Variants in SNX29 observed in about 807,000 individuals in gnomAD.
The protein encoded by SNX29 is sorting nexin 29.
A neutral mutation model predicts 102.1 loss-of-function variants in SNX29; 78 were observed. The observed-to-expected ratio is 0.76, with a 90% CI of 0.64 to 0.92. The LOEUF (loss-of-function observed/expected upper bound fraction) is 0.92, where lower values mean the gene tolerates loss of function less well. SNX29 is among the 40% of genes least tolerant of loss of function. The pLI, the probability that SNX29 is intolerant of heterozygous loss-of-function variation, is 0.00. For synonymous variants in SNX29, 580 were observed against 414.5 expected (o/e 1.40, Z -4.85); for missense variants, 1,280 against 1,061.7 (o/e 1.21, Z -2.86).
intron 20 of SNX29, among the ~76,000 whole-genome samples, chr16:12,533,801 C>G (rs1350393119): frequency 6.6e-6 from 1 of 152,076 alleles, no homozygotes; most frequent in Non-Finnish European, 1.5e-5. Flanking sequence ...CTCATAGGCC[C>G]CATCAAAAGG....
chr16:12,536,617 G>C (rs1407848517), intron 20 of SNX29, among the ~76,000 whole-genome samples: 1 of 152,168 alleles, frequency 6.6e-6, no homozygotes, highest in East Asian at 1.9e-4. Context: ...GTTTGGCTGT[G>C]GCTGCAGCAG....
intron 20 of SNX29, among the ~76,000 whole-genome samples, chr16:12,555,201 G>A (rs1020385905): frequency 1.3e-5 from 2 of 151,872 alleles, no homozygotes; most frequent in African/African-American, 4.8e-5. Flanking sequence ...ATGCAGACTG[G>A]ACTATGGGCA....
intron 20 of SNX29, among the ~76,000 whole-genome samples, chr16:12,544,867 A>T (rs189707364): frequency 2.0e-5 from 3 of 152,188 alleles, no homozygotes; most frequent in African/African-American, 7.2e-5. Flanking sequence ...GCCAGTGTCA[A>T]CACAGCCCCT....
chr16:12,403,463 G>A lies in SNX29; in HGVS notation c.1971G>A (p.Leu657=). 1 of 1,608,504 alleles carries A rather than the reference G, an allele frequency of 6.2e-7. No individual in the cohort carries two copies. Among genetic ancestry groups the A allele is most frequent in the South Asian group, 1.1e-5 (1 of 89,468 alleles). ...TTTTGGTTAGATCAAACCGGGCGCT[G>A]ATCAACGTCTGGATCCCCTCAGTGT... is the stretch of plus-strand genomic sequence containing the variant. The part of the protein sequence containing the change: ...LSDFEISNRA[L]INVWIPSVFL... The change falls in exon 18 of 21, where the codon CTG becomes CTA. Residue 657 remains leucine, a synonymous_variant. Coordinates refer to ENST00000566228, the MANE Select transcript of SNX29 (RefSeq NM_032167.5).
chr16:12,249,770 C>T (rs1443746152), intron 14 of SNX29, among the ~76,000 whole-genome samples: 1 of 152,180 alleles, frequency 6.6e-6, no homozygotes, highest in Non-Finnish European at 1.5e-5. Flanking sequence ...CTTCTTGGTG[C>T]ATAGGGAACA....
chr16:12,199,778 C>A, intron 14 of SNX29, 95 bp downstream of exon 14: 2 of 1,026,748 alleles, frequency 1.9e-6, no homozygotes, highest in Non-Finnish European at 2.9e-6. Context: ...GTGACGAGTG[C>A]ATATGTGGAT....
At chr16:12,464,201 T>C (rs544296954) in intron 18 of SNX29, among the ~76,000 whole-genome samples, 14 of 149,568 alleles carry the variant, frequency 9.4e-5, no homozygotes, top group African/African-American at 3.5e-4. Context: ...AATTCCCTTC[T>C]TTTTTATGGC....
At chr16:12,566,801 A>G (rs994838913) in intron 20 of SNX29, among the ~76,000 whole-genome samples, 18 of 152,234 alleles carry the variant, frequency 1.2e-4, no homozygotes, top group African/African-American at 4.3e-4. Flanking sequence ...GGTTGGGCTC[A>G]GAGATGATTC....
rs2141132715 is a variant in SNX29 at position 12,525,228 on chromosome 16, C to G, written c.2318+387C>G. 1.3e-5 allele frequency among the ~76,000 whole-genome samples: 2 copies of G among 152,078 alleles called. 1 individual carries two copies. The highest frequency in any genetic ancestry group is 6.8e-3 in the Middle Eastern group (2 of 294). On this transcript the variant is annotated intron_variant, in intron 20 of 20. Transcript: ENST00000566228. ...GGGTAATGAACCCAAGGAAAGTTCT[C>G]CCAGACTCCTACCAGTATTGACTTA...
chr16:12,542,580 C>G (rs147112040), intron 20 of SNX29, among the ~76,000 whole-genome samples: 3,946 of 152,274 alleles, frequency 0.026, 92 homozygotes, highest in East Asian at 0.061. Flanking sequence ...GATCCACCCG[C>G]CTCAGCCTCC....
chr16:12,292,885 A>G (rs1211206754), intron 15 of SNX29, among the ~76,000 whole-genome samples: 1 of 152,248 alleles, frequency 6.6e-6, no homozygotes, highest in Admixed American at 6.5e-5. Flanking sequence ...AGATTTTACT[A>G]ACCTTGTTTA....
intron 18 of SNX29, among the ~76,000 whole-genome samples, chr16:12,435,522 C>G (rs917049977): frequency 2.0e-5 from 3 of 152,168 alleles, no homozygotes; most frequent in Non-Finnish European, 2.9e-5. Context: ...TTGGCTACTT[C>G]CATTTTTATG....
chr16:12,545,198 A>C (rs2077534196), intron 20 of SNX29, among the ~76,000 whole-genome samples: 1 of 152,186 alleles, frequency 6.6e-6, no homozygotes, highest in Admixed American at 6.5e-5. Context: ...CAATACAAAA[A>C]AGGAAGGGGT....
intron 13 of SNX29, among the ~76,000 whole-genome samples, chr16:12,131,674 A>G (rs1470031335): frequency 6.6e-6 from 1 of 152,200 alleles, no homozygotes; most frequent in Non-Finnish European, 1.5e-5. Flanking sequence ...CTGTAAATCT[A>G]CTTTAAAATA....
chr16:12,398,937 G>A (rs370245147), intron 17 of SNX29, among the ~76,000 whole-genome samples: 1 of 152,110 alleles, frequency 6.6e-6, no homozygotes, highest in Non-Finnish European at 1.5e-5. Flanking sequence ...TTTATGATCT[G>A]TGTGGCCCCT....
At chr16:12,120,735 G>T (rs971814131) in intron 11 of SNX29, among the ~76,000 whole-genome samples, 2 of 152,196 alleles carry the variant, frequency 1.3e-5, no homozygotes, top group African/African-American at 4.8e-5. Context: ...TTTTGAAATT[G>T]AGCATTCATG....
intron 15 of SNX29, among the ~76,000 whole-genome samples, chr16:12,329,671 A>T (rs1388030779): frequency 6.6e-6 from 1 of 152,228 alleles, no homozygotes; most frequent in Non-Finnish European, 1.5e-5. Flanking sequence ...GCTGCTAAGC[A>T]TGTTTTTCTG....
intron 16 of SNX29, chr16:12,372,408 C>G (rs2082717777): frequency 6.6e-6 from 1 of 152,174 alleles, no homozygotes; most frequent in South Asian, 2.1e-4. Context: ...GGACCGCTCA[C>G]TTTGTCTAAT....
chr16:12,443,223 C>T (rs527852706), intron 18 of SNX29: 20 of 328,464 alleles, frequency 6.1e-5, no homozygotes, highest in African/African-American at 1.5e-4. Flanking sequence ...CATGGCATTG[C>T]GGCACTGAGA....
Sources: gnomAD v4.1 joint callset for allele counts (sites outside exome capture counted in the v4.1 genomes callset) on GRCh38, gnomAD v4.1.1 for gene constraint, MANE v1.5 for transcripts, NCBI Gene and HGNC (gene_info 2026-07-23, HGNC 2026-07-21) for gene names.